CNTLN: variants seen among roughly 807,000 people sequenced by gnomAD.
The protein encoded by CNTLN is centlein, also known as centlein, centrosomal protein.
A neutral mutation model predicts 180.0 loss-of-function variants in CNTLN; 212 were observed. That is an observed-to-expected ratio of 1.18 (90% CI 1.05 to 1.32). The LOEUF is 1.32. CNTLN is among the 40% of genes most tolerant of loss of function. The pLI is 0.00. For synonymous variants in CNTLN, 722 were observed against 563.1 expected, an observed-to-expected ratio of 1.28 and a Z score of -3.99; for missense variants, 2,095 against 1,610.9, an observed-to-expected ratio of 1.30 and a Z score of -5.14.
intron 5 of CNTLN, among the ~76,000 whole-genome samples, chr9:17,256,019 G>C (rs1033192116): frequency 5.9e-5 from 9 of 151,776 alleles, no homozygotes; most frequent in African/African-American, 2.2e-4. Flanking sequence ...AGTATTCTTA[G>C]TTTTCCATTT....
chr9:17,449,754 G>T (rs764319803), intron 18 of CNTLN, among the ~76,000 whole-genome samples: 1 of 152,124 alleles, frequency 6.6e-6, no homozygotes, highest in Non-Finnish European at 1.5e-5. Context: ...ATTAAAATGC[G>T]TTCATTTAGT....
At chr9:17,217,037 C>G (rs917010481) in intron 2 of CNTLN, among the ~76,000 whole-genome samples, 1 of 152,150 alleles carries the variant, frequency 6.6e-6, no homozygotes, top group Non-Finnish European at 1.5e-5. Flanking sequence ...TTAATTGGAA[C>G]CACTCTAATG....
At chr9:17,512,489 T>C in the CNTLN span, among the ~76,000 whole-genome samples, 1 of 152,082 alleles carries the variant, frequency 6.6e-6, no homozygotes, top group Non-Finnish European at 1.5e-5. Context: ...GACATAAAGA[T>C]GGAAACAGTC....
chr9:17,182,747 T>C (rs1011229325), intron 2 of CNTLN, among the ~76,000 whole-genome samples: 2 of 152,330 alleles, frequency 1.3e-5, no homozygotes, highest in South Asian at 2.1e-4. Context: ...TCTTTACTTA[T>C]TGTTCTCCAT....
chr9:17,305,771 C>G (rs991333093), intron 7 of CNTLN, among the ~76,000 whole-genome samples: 40 of 152,172 alleles, frequency 2.6e-4, no homozygotes, highest in African/African-American at 9.4e-4. Flanking sequence ...GGAGGACTAT[C>G]TTTGCTTCCT....
At position 17,235,742 on chromosome 9, in the gene CNTLN, G is replaced by T. The variant is rs898138601; in HGVS notation, c.619G>T (p.Glu207Ter). The change falls in exon 4 of 26, where the codon GAA becomes TAA. Residue 207 changes from glutamate (E) to a stop codon, truncating the protein, a stop_gained. Transcript: ENST00000380647. LOFTEE classifies it high-confidence loss of function. ...VDEENAFLRKEFSDLEKKFKD... is the reference protein window; with the variant it reads ...VDEENAFLRK ...TGAAGAAAATGCTTTCTTAAGGAAAGAATTCAGTGACTTGGAGAAGAAATT... is the reference window on the plus strand; with the variant it reads ...TGAAGAAAATGCTTTCTTAAGGAAATAATTCAGTGACTTGGAGAAGAAATT... 1.9e-6 allele frequency: 3 copies of T among 1,606,008 alleles called. No homozygotes were observed. Among genetic ancestry groups the T allele is most frequent in the Admixed American group, 1.7e-5 (1 of 58,424 alleles).
chr9:17,178,270 A>AT (rs1820861453), intron 2 of CNTLN, among the ~76,000 whole-genome samples: 1 of 152,184 alleles, frequency 6.6e-6, no homozygotes, highest in East Asian at 1.9e-4. Context: ...CAGAGTGCTG[A>AT]TTGGTATATT....
chr9:17,149,719 A>G lies in CNTLN; in HGVS notation c.449+6343A>G, dbSNP rs951629219. ...TTTTTAGTAGAGACGGGGTTTCACC[A>G]TGTTAGCCAGGATGGTCTCGATCTC... On this transcript the variant is annotated intron_variant, in intron 2 of 25. Coordinates refer to ENST00000380647, the MANE Select transcript of CNTLN (RefSeq NM_017738.4). 4.4e-4 allele frequency among the ~76,000 whole-genome samples: 67 copies of G among 151,812 alleles called. 1 individual carries two copies. The highest frequency in any genetic ancestry group is 1.6e-3 in the African/African-American group (66 of 41,452).
At chr9:17,220,471 A>G (rs531016278) in intron 2 of CNTLN, among the ~76,000 whole-genome samples, 1 of 152,230 alleles carries the variant, frequency 6.6e-6, no homozygotes, top group South Asian at 2.1e-4. Context: ...AATGTTTTTT[A>G]GGTAAACTTT....
chr9:17,311,470 G>T (rs1284059880), intron 8 of CNTLN, among the ~76,000 whole-genome samples: 3 of 129,352 alleles, frequency 2.3e-5, no homozygotes, highest in Non-Finnish European at 4.9e-5. Flanking sequence ...TTTTTTTTAA[G>T]GCAGAAGATC....
intron 8 of CNTLN, among the ~76,000 whole-genome samples, chr9:17,325,576 C>CACAT (rs1164554456): frequency 1.1e-5 from 1 of 89,374 alleles, no homozygotes; most frequent in African/African-American, 3.7e-5. Flanking sequence ...CACACACACA[C>CACAT]GCACACACAC....
At chr9:17,449,282 A>G (rs1344531257) in intron 18 of CNTLN, among the ~76,000 whole-genome samples, 1 of 84,006 alleles carries the variant, frequency 1.2e-5, no homozygotes, top group African/African-American at 4.5e-5. Flanking sequence ...CCCCCACCCC[A>G]CAACAGTCCC....
At chr9:17,524,666 C>T in the CNTLN span, among the ~76,000 whole-genome samples, 1 of 152,198 alleles carries the variant, frequency 6.6e-6, no homozygotes, top group African/African-American at 2.4e-5. Context: ...TCATTCTCAG[C>T]TTATATTAAG....
intron 8 of CNTLN, among the ~76,000 whole-genome samples, chr9:17,311,732 G>A (rs1385669084): frequency 6.6e-6 from 1 of 151,822 alleles, no homozygotes; most frequent in African/African-American, 2.4e-5. Flanking sequence ...TTGCTCCAAC[G>A]TGGGAGGCGG....
chr9:17,353,214 C>T (rs1024140296), intron 12 of CNTLN, among the ~76,000 whole-genome samples: 2 of 151,994 alleles, frequency 1.3e-5, no homozygotes, highest in South Asian at 2.1e-4. Flanking sequence ...TGTCAGCCTC[C>T]CAGAGTACTG....
At chr9:17,478,816 T>A (rs1832491164) in intron 23 of CNTLN, among the ~76,000 whole-genome samples, 1 of 152,224 alleles carries the variant, frequency 6.6e-6, no homozygotes, top group Non-Finnish European at 1.5e-5. Context: ...CTCTATTCTG[T>A]TCCATTGGTC....
intron 12 of CNTLN, among the ~76,000 whole-genome samples, chr9:17,357,874 C>A (rs948668926): frequency 2.6e-5 from 4 of 151,552 alleles, no homozygotes; most frequent in African/African-American, 9.7e-5. Flanking sequence ...GAAACTGATA[C>A]AAAGGGTTTG....
At chr9:17,156,576 G>A (rs1480441698) in intron 2 of CNTLN, among the ~76,000 whole-genome samples, 2 of 151,762 alleles carry the variant, frequency 1.3e-5, no homozygotes, top group East Asian at 1.9e-4. Context: ...CCCCAAATCT[G>A]ACTTATTGTA....
chr9:17,487,184 A>G (rs563416655), intron 25 of CNTLN, 118 bp downstream of exon 25: 2 of 721,220 alleles, frequency 2.8e-6, no homozygotes, highest in South Asian at 1.6e-5. Context: ...CTGTTAGGTA[A>G]AGAAGTATTC....
Sources: gnomAD v4.1 joint callset for allele counts (sites outside exome capture counted in the v4.1 genomes callset) on GRCh38, gnomAD v4.1.1 for gene constraint, MANE v1.5 for transcripts, NCBI Gene and HGNC (gene_info 2026-07-23, HGNC 2026-07-21) for gene names.